PITPNC1: variants seen among roughly 807,000 people sequenced by gnomAD.
The protein encoded by PITPNC1 is phosphatidylinositol transfer protein cytoplasmic 1, also known as cytoplasmic phosphatidylinositol transfer protein 1.
Under a neutral mutation model 44.7 loss-of-function variants are expected in PITPNC1, and 18 were observed. That is an observed-to-expected ratio of 0.40 (90% CI 0.28 to 0.60). PITPNC1 has a LOEUF of 0.60. Among genes scored for constraint, PITPNC1 ranks in the 20% least tolerant of loss-of-function variants. The pLI is 0.39. For synonymous variants in PITPNC1, 141 were observed against 149.6 expected, an observed-to-expected ratio of 0.94 and a Z score of 0.42; for missense variants, 290 against 418.4, an observed-to-expected ratio of 0.69 and a Z score of 2.68.
chr17:67,635,171 GAGA>G (rs768390109), intron 6 of PITPNC1, among the ~76,000 whole-genome samples: 14 of 152,206 alleles, frequency 9.2e-5, no homozygotes, highest in Non-Finnish European at 2.1e-4. Flanking sequence ...GAATGGACTG[GAGA>G]AGAACAGAGT....
chr17:67,391,060 C>CCTGTGTGTGT (rs139823870), intron 1 of PITPNC1, among the ~76,000 whole-genome samples: 1 of 146,798 alleles, frequency 6.8e-6, no homozygotes, highest in Non-Finnish European at 1.5e-5. Flanking sequence ...ACTTTTTTAG[C>CCTGTGTGTGT]GTGTGTGTGT....
chr17:67,380,234 C>G (rs1435204951), intron 1 of PITPNC1, among the ~76,000 whole-genome samples: 1 of 152,156 alleles, frequency 6.6e-6, no homozygotes, highest in Non-Finnish European at 1.5e-5. Context: ...GCCACCACGT[C>G]TGGCTAATTT....
At chr17:67,437,527 G>T (rs1425198148) in intron 1 of PITPNC1, among the ~76,000 whole-genome samples, 1 of 152,138 alleles carries the variant, frequency 6.6e-6, no homozygotes, top group Non-Finnish European at 1.5e-5. Flanking sequence ...ACACATTTCT[G>T]TTGCTTTAGG....
chr17:67,420,583 C>G (rs1485431680), intron 1 of PITPNC1, among the ~76,000 whole-genome samples: 1 of 152,016 alleles, frequency 6.6e-6, no homozygotes, highest in East Asian at 1.9e-4. Flanking sequence ...AGTCATCCAC[C>G]ACCACGCCTG....
At chr17:67,526,544 C>T (rs2040393499) in intron 1 of PITPNC1, among the ~76,000 whole-genome samples, 1 of 151,900 alleles carries the variant, frequency 6.6e-6, no homozygotes, top group Non-Finnish European at 1.5e-5. Flanking sequence ...GCCTGGCCAA[C>T]CTGGTGAAAC....
At chr17:67,584,402 AAAG>A (rs1209779303) in intron 5 of PITPNC1, among the ~76,000 whole-genome samples, 1 of 152,168 alleles carries the variant, frequency 6.6e-6, no homozygotes, top group Admixed American at 6.5e-5. Context: ...AAGCTGCCTA[AAAG>A]AAGTGTCTGG....
At chr17:67,596,884 T>G (rs574125098) in intron 5 of PITPNC1, among the ~76,000 whole-genome samples, 33 of 152,016 alleles carry the variant, frequency 2.2e-4, no homozygotes, top group African/African-American at 7.0e-4. Context: ...AATGATAGTG[T>G]TCTGAACCAA....
At chr17:67,619,952 C>T (rs1291022659) in intron 5 of PITPNC1, among the ~76,000 whole-genome samples, 3 of 152,166 alleles carry the variant, frequency 2.0e-5, no homozygotes, top group Admixed American at 2.0e-4. Context: ...CTAAAACAGC[C>T]TGGAAGTGTC....
intron 1 of PITPNC1, among the ~76,000 whole-genome samples, chr17:67,401,618 G>A (rs916431214): frequency 2.6e-5 from 4 of 152,074 alleles, no homozygotes; most frequent in Non-Finnish European, 5.9e-5. Context: ...GGCCGAGGCA[G>A]GTGGATCATG....
At chr17:67,631,657 A>AAAAAAATATATATATATATATATAT (rs1555574522) in intron 5 of PITPNC1, among the ~76,000 whole-genome samples, 1 of 7,680 alleles carries the variant, frequency 1.3e-4, no homozygotes, top group Non-Finnish European at 2.9e-4. Context: ...AAAAAAAAAA[A>AAAAAAATATATATATATATATATAT]ATATATATAT....
At chr17:67,486,831 G>A (rs1470619174) in intron 1 of PITPNC1, among the ~76,000 whole-genome samples, 1 of 152,042 alleles carries the variant, frequency 6.6e-6, no homozygotes, top group African/African-American at 2.4e-5. Context: ...GCATTCAAGA[G>A]TATTGTGGAG....
At position 67,578,220 on chromosome 17, in the gene PITPNC1, A is replaced by C. The variant is rs2041176496; in HGVS notation, c.329A>C (p.Glu110Ala). ...SFLPKFSIHI[E>A]TKYEDNKGSN... ...CTGCCGAAATTCTCCATTCATATAG[A>C]AACCAAGTATGAGGACAACAAAGGA... Residue 110 changes from glutamate (E) to alanine (A), a missense_variant, in exon 5 of 9, where the codon GAA becomes GCA. Physicochemically the swap from Glu to Ala is moderately radical, Grantham distance 107. Transcript: ENST00000581322. 1.9e-6 allele frequency: 3 copies of C among 1,613,160 alleles called. No individual in the cohort carries two copies. The East Asian group carries it at 6.7e-5, about 36-fold the overall frequency.
At chr17:67,592,663 T>A (rs1196398519) in intron 5 of PITPNC1, among the ~76,000 whole-genome samples, 1 of 152,254 alleles carries the variant, frequency 6.6e-6, no homozygotes, top group Non-Finnish European at 1.5e-5. Flanking sequence ...ACATAATAGA[T>A]AATGTGTCTC....
At chr17:67,681,608 CAAAAAAAA>C (rs5821459) in intron 8 of PITPNC1, among the ~76,000 whole-genome samples, 1 of 36,416 alleles carries the variant, frequency 2.7e-5, no homozygotes, top group African/African-American at 1.1e-4. Context: ...AACCCTATCT[CAAAAAAAA>C]AAAAAAAAAA....
chr17:67,496,021 T>A (rs2039948199), intron 1 of PITPNC1, among the ~76,000 whole-genome samples: 1 of 152,224 alleles, frequency 6.6e-6, no homozygotes. Context: ...TCTTTATGCT[T>A]ATAATTTTGG....
intron 1 of PITPNC1, among the ~76,000 whole-genome samples, chr17:67,425,197 G>GCACACACACACA (rs60303181): frequency 1.8e-4 from 18 of 98,464 alleles, no homozygotes; most frequent in East Asian, 1.5e-3. Flanking sequence ...GCGCGCGCAC[G>GCACACACACACA]CACACGCACA....
chr17:67,401,574 G>A (rs961653689), intron 1 of PITPNC1, among the ~76,000 whole-genome samples: 2 of 152,074 alleles, frequency 1.3e-5, no homozygotes, highest in Admixed American at 1.3e-4. Flanking sequence ...GGCTGGGTGC[G>A]GTGGCTCATG....
At chr17:67,588,411 A>G (rs2041349838) in intron 5 of PITPNC1, among the ~76,000 whole-genome samples, 1 of 152,216 alleles carries the variant, frequency 6.6e-6, no homozygotes, top group Non-Finnish European at 1.5e-5. Flanking sequence ...ATTAAATGGA[A>G]AATTCCAGAA....
chr17:67,519,250 C>T (rs773198402), intron 1 of PITPNC1, among the ~76,000 whole-genome samples: 25 of 147,942 alleles, frequency 1.7e-4, no homozygotes, highest in Admixed American at 9.6e-4. Context: ...GATCTCAGCT[C>T]GCTGCAACTT....
Sources: allele counts gnomAD v4.1 joint callset (sites outside exome capture counted in the v4.1 genomes callset), GRCh38; gene constraint gnomAD v4.1.1; transcripts MANE v1.5; gene names NCBI Gene and HGNC (gene_info 2026-07-23, HGNC 2026-07-21).